Variants in RAB12 observed in about 807,000 individuals in gnomAD.
The protein encoded by RAB12 is ras-related protein Rab-12.
In RAB12, 11 loss-of-function variants were observed where a neutral mutation model predicts 28.4. The observed-to-expected ratio is 0.39, with a 90% CI of 0.24 to 0.64. The LOEUF (loss-of-function observed/expected upper bound fraction) is 0.64. RAB12 is among the 30% of genes least tolerant of loss of function. The probability of loss-of-function intolerance (pLI) is 0.50; values close to 1 mark genes in which losing one functional copy is unlikely to be tolerated. For missense variants in RAB12, 276 were observed against 351.1 expected (o/e 0.79, Z 1.71); for synonymous variants, 138 against 145.3 (o/e 0.95, Z 0.36).
intron 2 of RAB12, among the ~76,000 whole-genome samples, chr18:8,631,197 G>T (rs930608284): frequency 6.6e-6 from 1 of 152,072 alleles, no homozygotes; most frequent in Non-Finnish European, 1.5e-5. Flanking sequence ...GCCTAACAAG[G>T]CTAATTCTAC....
At chr18:8,620,691 G>C (rs1303497408) in intron 1 of RAB12, among the ~76,000 whole-genome samples, 1 of 152,156 alleles carries the variant, frequency 6.6e-6, no homozygotes, top group African/African-American at 2.4e-5. Context: ...TTGAGTTGCT[G>C]TTGTGTGCCA....
At chr18:8,619,446 A>G in intron 1 of RAB12, among the ~76,000 whole-genome samples, 1 of 152,214 alleles carries the variant, frequency 6.6e-6, no homozygotes, top group Non-Finnish European at 1.5e-5. Context: ...TACAAGCACT[A>G]AGTCCAGGGA....
intron 1 of RAB12, among the ~76,000 whole-genome samples, chr18:8,619,130 A>C (rs2148707411): frequency 6.6e-6 from 1 of 152,348 alleles, no homozygotes; most frequent in East Asian, 1.9e-4. Flanking sequence ...ATTGAGACTT[A>C]CTTCCAAGTC....
intron 4 of RAB12, 51 bp from the exon 5 acceptor site, chr18:8,636,202 G>A (rs751460911): frequency 2.3e-5 from 29 of 1,243,776 alleles, no homozygotes; most frequent in Admixed American, 8.5e-5. Context: ...ATGCTCGCAC[G>A]CTGGTCTGTG....
At chr18:8,633,717 C>T (rs748963156) in intron 3 of RAB12, among the ~76,000 whole-genome samples, 29 of 152,156 alleles carry the variant, frequency 1.9e-4, no homozygotes, top group South Asian at 4.1e-4. Context: ...ACGGTGCCTG[C>T]GGATGTCCCA....
intron 1 of RAB12, among the ~76,000 whole-genome samples, chr18:8,612,884 C>G (rs906027343): frequency 6.6e-6 from 1 of 152,140 alleles, no homozygotes; most frequent in Non-Finnish European, 1.5e-5. Flanking sequence ...AGGCTGGTCT[C>G]AAACTCCTAG....
At chr18:8,634,585 G>A (rs2096017850) in intron 3 of RAB12, among the ~76,000 whole-genome samples, 1 of 152,170 alleles carries the variant, frequency 6.6e-6, no homozygotes, top group African/African-American at 2.4e-5. Flanking sequence ...TTGAGTTTGT[G>A]AGTCTGTGCC....
chr18:8,610,963 G>A (rs2096003447), intron 1 of RAB12, among the ~76,000 whole-genome samples: 1 of 152,196 alleles, frequency 6.6e-6, no homozygotes, highest in Non-Finnish European at 1.5e-5. Context: ...GTACGATTTT[G>A]AGATGACTTG....
At chr18:8,617,026 G>A (rs1016172094) in intron 1 of RAB12, among the ~76,000 whole-genome samples, 7 of 152,198 alleles carry the variant, frequency 4.6e-5, no homozygotes, top group Admixed American at 6.5e-5. Context: ...ATACAGTCCT[G>A]CATGTAAGTT....
At chr18:8,613,405 A>G (rs1390084777) in intron 1 of RAB12, among the ~76,000 whole-genome samples, 2 of 152,162 alleles carry the variant, frequency 1.3e-5, no homozygotes, top group South Asian at 4.1e-4. Flanking sequence ...CTTATCCACC[A>G]TGAATCTGTG....
chr18:8,628,336 C>A (rs12455715), intron 2 of RAB12, among the ~76,000 whole-genome samples: 18,267 of 152,120 alleles, frequency 0.12, 1,307 homozygotes, highest in Admixed American at 0.17. Context: ...TTGGCCGTAC[C>A]TGATAGTAGA....
chr18:8,612,822 CA>C (rs950958785), intron 1 of RAB12, among the ~76,000 whole-genome samples: 1 of 152,174 alleles, frequency 6.6e-6, no homozygotes, highest in Non-Finnish European at 1.5e-5. Context: ...AGGTGCACAC[CA>C]CCAAGCCCTT....
intron 1 of RAB12, among the ~76,000 whole-genome samples, chr18:8,621,195 A>G (rs1390498736): frequency 2.0e-5 from 3 of 152,200 alleles, no homozygotes; most frequent in African/African-American, 7.2e-5. Flanking sequence ...GACTTTTCCT[A>G]AATCATCTGC....
chr18:8,618,424 A>G (rs1402787401), intron 1 of RAB12, among the ~76,000 whole-genome samples: 9 of 152,138 alleles, frequency 5.9e-5, no homozygotes, highest in Middle Eastern at 3.4e-3. Flanking sequence ...CTTACCACAC[A>G]GGTTAGATAG....
intron 2 of RAB12, among the ~76,000 whole-genome samples, chr18:8,626,714 C>T (rs2096012890): frequency 6.6e-6 from 1 of 152,232 alleles, no homozygotes. Flanking sequence ...AGCGGGCACT[C>T]AGAAACCATT....
At chr18:8,623,091 A>T (rs4798661) in intron 1 of RAB12, among the ~76,000 whole-genome samples, 2 of 151,968 alleles carry the variant, frequency 1.3e-5, no homozygotes, top group South Asian at 4.1e-4. Context: ...CAATTATCAC[A>T]TGGTCCTGAG....
intron 5 of RAB12, 146 bp from the exon 6 acceptor site, chr18:8,638,003 G>T: frequency 1.7e-6 from 1 of 592,528 alleles, no homozygotes; most frequent in Non-Finnish European, 3.0e-6. Context: ...AAGGTGAGTG[G>T]GGAGGCAGGA....
intron 4 of RAB12, 44 bp downstream of exon 4, chr18:8,635,666 C>G (rs769370174): frequency 1.3e-5 from 16 of 1,209,892 alleles, no homozygotes; most frequent in Non-Finnish European, 1.8e-5. Context: ...CTGTGCTTAG[C>G]GCTTGAGGTA....
chr18:8,634,539 C>CA (rs1259936983), intron 3 of RAB12, among the ~76,000 whole-genome samples: 1 of 152,124 alleles, frequency 6.6e-6, no homozygotes, highest in Non-Finnish European at 1.5e-5. Context: ...AATACAAAAC[C>CA]AAAAGAAATG....
Sources: gnomAD v4.1 joint callset for allele counts (sites outside exome capture counted in the v4.1 genomes callset) on GRCh38, gnomAD v4.1.1 for gene constraint, MANE v1.5 for transcripts, NCBI Gene and HGNC (gene_info 2026-07-23, HGNC 2026-07-21) for gene names.